The following ZFPM2 variants were observed in gnomAD, a reference collection of about 807,000 sequenced individuals.
ZFPM2 encodes the protein zinc finger protein, FOG family member 2.
Under a neutral mutation model 98.6 loss-of-function variants are expected in ZFPM2, and 20 were observed. The ratio of observed to expected loss-of-function variants is 0.20; its 90% CI spans 0.14 to 0.29. The LOEUF is 0.29. Among genes scored for constraint, ZFPM2 ranks in the 10% least tolerant of loss-of-function variants. ZFPM2 has a pLI of 1.00. For missense variants in ZFPM2, 1,310 were observed against 1,388.6 expected, an observed-to-expected ratio of 0.94 and a Z score of 0.90; for synonymous variants, 518 against 502.7, an observed-to-expected ratio of 1.03 and a Z score of -0.41.
intron 4 of ZFPM2, among the ~76,000 whole-genome samples, chr8:105,563,318 A>C (rs553814392): frequency 1.3e-5 from 2 of 152,318 alleles, no homozygotes; most frequent in Middle Eastern, 6.8e-3. Context: ...AATGATTAGA[A>C]TAAATAGGAA....
At chr8:105,783,366 C>A (rs146943354) in intron 5 of ZFPM2, among the ~76,000 whole-genome samples, 9 of 151,346 alleles carry the variant, frequency 5.9e-5, no homozygotes, top group Non-Finnish European at 1.0e-4. Context: ...AAAAATGTAA[C>A]CTCATTTTTT....
At chr8:105,319,893 G>T (rs1414529937) in intron 1 of ZFPM2, 2 of 152,216 alleles carry the variant, frequency 1.3e-5, no homozygotes, top group Non-Finnish European at 2.9e-5. Context: ...GATCAAGTCG[G>T]TCAACTTTTC....
chr8:105,621,207 G>A (rs1347133171), intron 4 of ZFPM2, among the ~76,000 whole-genome samples: 1 of 152,140 alleles, frequency 6.6e-6, no homozygotes, highest in Non-Finnish European at 1.5e-5. Context: ...ATTTCATTGA[G>A]CAGTGGTTTG....
At chr8:105,582,156 A>G (rs1815615347) in intron 4 of ZFPM2, among the ~76,000 whole-genome samples, 1 of 152,226 alleles carries the variant, frequency 6.6e-6, no homozygotes, top group Non-Finnish European at 1.5e-5. Context: ...GTCTCTGGGA[A>G]ACCATAATTT....
chr8:105,399,666 T>G (rs1445846524), intron 1 of ZFPM2, among the ~76,000 whole-genome samples: 3 of 151,866 alleles, frequency 2.0e-5, no homozygotes, highest in Non-Finnish European at 4.4e-5. Context: ...CATTAACACA[T>G]GATTTAAATT....
At chr8:105,382,013 T>A (rs1810899001) in intron 1 of ZFPM2, among the ~76,000 whole-genome samples, 2 of 152,126 alleles carry the variant, frequency 1.3e-5, no homozygotes, top group African/African-American at 4.8e-5. Flanking sequence ...ACTGAAAGAC[T>A]TGCTAAAAAC....
chr8:105,323,328 A>G (rs2130648414), intron 1 of ZFPM2, among the ~76,000 whole-genome samples: 1 of 152,032 alleles, frequency 6.6e-6, no homozygotes, highest in East Asian at 1.9e-4. Context: ...TTGTTTTGAA[A>G]CAAATAAGTT....
At chr8:105,443,702 A>G (rs1478899311) in intron 2 of ZFPM2, among the ~76,000 whole-genome samples, 1 of 152,222 alleles carries the variant, frequency 6.6e-6, no homozygotes, top group Non-Finnish European at 1.5e-5. Flanking sequence ...GCAAAAATAT[A>G]GGTTTATAGT....
intron 3 of ZFPM2, among the ~76,000 whole-genome samples, chr8:105,488,176 C>T (rs759657431): frequency 6.6e-6 from 1 of 152,088 alleles, no homozygotes. Flanking sequence ...ATATTTGTTT[C>T]AAATGCAAGT....
intron 3 of ZFPM2, among the ~76,000 whole-genome samples, chr8:105,521,409 G>C (rs370100493): frequency 6.6e-5 from 4 of 60,276 alleles, no homozygotes; most frequent in African/African-American, 2.6e-4. Flanking sequence ...TAAGGGGGGA[G>C]GGGGGGAGGG....
At chr8:105,667,601 C>T (rs1817514171) in intron 5 of ZFPM2, among the ~76,000 whole-genome samples, 1 of 152,098 alleles carries the variant, frequency 6.6e-6, no homozygotes, top group Non-Finnish European at 1.5e-5. Context: ...TTAAAGTACT[C>T]TCTTCTTTCT....
chr8:105,682,054 G>A (rs1168080700), intron 5 of ZFPM2, among the ~76,000 whole-genome samples: 1 of 152,094 alleles, frequency 6.6e-6, no homozygotes, highest in Non-Finnish European at 1.5e-5. Context: ...AAAAATGAGG[G>A]CCAGAAAGTT....
chr8:105,591,643 G>A (rs72673759), intron 4 of ZFPM2, among the ~76,000 whole-genome samples: 1 of 151,986 alleles, frequency 6.6e-6, no homozygotes, highest in Non-Finnish European at 1.5e-5. Flanking sequence ...TTGATGAAAA[G>A]TATGCAGCAA....
chr8:105,523,456 T>G (rs1291190539), intron 3 of ZFPM2, among the ~76,000 whole-genome samples: 2 of 152,198 alleles, frequency 1.3e-5, no homozygotes, highest in Admixed American at 1.3e-4. Context: ...GCTCTTGTGT[T>G]GCCCCTCCCC....
rs200466594 is a variant in ZFPM2, at chr8:105,342,919, C to CA, written c.40+23946dup. Among the ~76,000 whole-genome samples the CA allele has an allele frequency of 5.1e-3, 766 of 151,316 alleles. 6 individuals are homozygous for CA. The highest frequency in any genetic ancestry group is 0.017 in the African/African-American group (702 of 41,348). On this transcript the variant is annotated intron_variant, in intron 1 of 7. Coordinates refer to ENST00000407775, the MANE Select transcript of ZFPM2 (RefSeq NM_012082.4). ...AACTCCTAGGTCTGGCACATAAAAC[C>CA]AAAAAAAATAATAATAAGTATAACA...
chr8:105,560,183 AAAAAG>A (rs386413576), intron 3 of ZFPM2, among the ~76,000 whole-genome samples: 3 of 74,914 alleles, frequency 4.0e-5, no homozygotes, highest in Non-Finnish European at 6.8e-5. Context: ...AAAAAAAAAA[AAAAAG>A]AAAGAAAATA....
At chr8:105,634,394 A>G in intron 5 of ZFPM2, 37 bp downstream of exon 5, 1 of 1,528,108 alleles carries the variant, frequency 6.5e-7, no homozygotes, top group Non-Finnish European at 9.0e-7. Context: ...CTTTGGAAGT[A>G]TTAAAACCTG....
chr8:105,744,485 T>C (rs1191418708), intron 5 of ZFPM2, among the ~76,000 whole-genome samples: 1 of 152,124 alleles, frequency 6.6e-6, no homozygotes, highest in Non-Finnish European at 1.5e-5. Context: ...TGTTGACATG[T>C]AGGTTACAGT....
At chr8:105,467,499 A>G (rs941748457) in intron 3 of ZFPM2, among the ~76,000 whole-genome samples, 5 of 152,062 alleles carry the variant, frequency 3.3e-5, no homozygotes, top group Non-Finnish European at 7.4e-5. Flanking sequence ...ATCTTTACTG[A>G]GTTGCTTATA....
Sources: gnomAD v4.1 joint callset for allele counts (sites outside exome capture counted in the v4.1 genomes callset) on GRCh38, gnomAD v4.1.1 for gene constraint, MANE v1.5 for transcripts, NCBI Gene and HGNC (gene_info 2026-07-23, HGNC 2026-07-21) for gene names.